FNTA: variants seen among roughly 807,000 people sequenced by gnomAD.
FNTA encodes the protein farnesyltransferase, CAAX box, subunit alpha, also known as protein farnesyltransferase/geranylgeranyltransferase type-1 subunit alpha.
In FNTA, 27 loss-of-function variants were observed where a neutral mutation model predicts 55.2. The observed-to-expected ratio is 0.49, with a 90% CI of 0.36 to 0.67. The LOEUF (loss-of-function observed/expected upper bound fraction) is 0.67. FNTA is among the 30% of genes least tolerant of loss of function. The pLI is 0.00. For missense variants in FNTA, 422 were observed against 464.7 expected (o/e 0.91, Z 0.85); for synonymous variants, 176 against 170.7 (o/e 1.03, Z -0.24).
chr8:43,070,193 C>A (rs530865145), intron 4 of FNTA: 10 of 151,836 alleles, frequency 6.6e-5, no homozygotes, highest in African/African-American at 2.2e-4. Flanking sequence ...GCCTGTAATC[C>A]CAGCTACTCA....
chr8:43,085,217 A>G lies in FNTA; in HGVS notation c.1075A>G (p.Ile359Val). The G allele has an allele frequency of 6.2e-7, 1 of 1,601,328 alleles. No individual in the cohort carries two copies. The highest frequency in any genetic ancestry group is 8.5e-7 in the Non-Finnish European group (1 of 1,171,658). The part of the protein sequence containing the change: ...DTIRKEYWRY[I>V]GRSLQSKHST... ...TATAAGAAAGGAATATTGGAGATACATTGGAAGATCCCTTCAAAGCAAACA... is the reference window on the plus strand; with the variant it reads ...TATAAGAAAGGAATATTGGAGATACGTTGGAAGATCCCTTCAAAGCAAACA... Residue 359 changes from isoleucine (I) to valine (V), a missense_variant, in exon 9 of 9, where the codon ATT becomes GTT. Ile to Val is a conservative substitution (Grantham distance 29). Coordinates refer to ENST00000302279, the MANE Select transcript of FNTA (RefSeq NM_002027.3).
At chr8:43,081,204 GTTC>G (rs996890539) in intron 6 of FNTA, 4 of 152,016 alleles carry the variant, frequency 2.6e-5, no homozygotes. Context: ...GTCTTTTACT[GTTC>G]TTCATCCCAC....
intron 3 of FNTA, among the ~76,000 whole-genome samples, chr8:43,066,686 G>C (rs79069006): frequency 0.015 from 2,211 of 151,532 alleles, 32 homozygotes; most frequent in Non-Finnish European, 0.022. Context: ...CAAATGGTTG[G>C]TAATTCTTGA....
intron 5 of FNTA, chr8:43,073,327 G>C (rs1291439197): frequency 6.6e-6 from 1 of 152,078 alleles, no homozygotes; most frequent in Non-Finnish European, 1.5e-5. Context: ...AACATAACCA[G>C]TATTTTTGAA....
chr8:43,080,826 G>A (rs1041758535), intron 6 of FNTA: 29 of 152,198 alleles, frequency 1.9e-4, no homozygotes, highest in African/African-American at 6.8e-4. Context: ...ACAGTAGTTA[G>A]CGGTAACAAA....
Position 43,077,304 on chromosome 8 carries a change from A to G in FNTA, c.722A>G (p.Tyr241Cys). Residue 241 changes from tyrosine to cysteine, a missense_variant, in exon 6 of 9, where the codon TAC becomes TGC. By Grantham distance (194) the Tyr-to-Cys change is radical (BLOSUM62 -2). Coordinates refer to ENST00000302279, the MANE Select transcript of FNTA (RefSeq NM_002027.3). ...AATAACTCTGTCTGGAACCAAAGAT[A>G]CTTCGTTATTTCTAACACCACTGGC... is the stretch of plus-strand genomic sequence containing the variant. ...VRNNSVWNQR[Y>C]FVISNTTGYN... is the part of the protein sequence containing the mutation. 1 of 1,613,354 alleles carries G rather than the reference A, an allele frequency of 6.2e-7. No homozygotes were observed. The highest frequency in any genetic ancestry group is 8.5e-7 in the Non-Finnish European group (1 of 1,179,440).
intron 4 of FNTA, 124 bp downstream of exon 4, chr8:43,069,783 T>C: frequency 1.6e-6 from 1 of 626,562 alleles, no homozygotes; most frequent in Non-Finnish European, 2.8e-6. Flanking sequence ...TAGCTGGGAT[T>C]ACAGGTGCAC....
In FNTA at chr8:43,056,742, G is replaced by A. The variant is rs530130004; in HGVS notation, c.200+196G>A. On this transcript the variant is annotated intron_variant, in intron 1 of 8. Transcript: ENST00000302279. ...CAGGGCGGCGCCGGCGCGAGACCGC[G>A]GGGACGCGAAGCAGCGAGGTCTCGG... 5.4e-3 allele frequency: 1,083 copies of A among 200,336 alleles called. 11 individuals are homozygous for A. Among genetic ancestry groups the A allele is most frequent in the Non-Finnish European group, 8.5e-3 (867 of 102,100 alleles). The allele number at this position is 200,336 out of a possible 1,614,324, so 12.4% of individuals were successfully genotyped here.
intron 2 of FNTA, among the ~76,000 whole-genome samples, chr8:43,062,816 C>T (rs1025749782): frequency 2.8e-4 from 42 of 152,204 alleles, no homozygotes; most frequent in Non-Finnish European, 1.0e-4. Flanking sequence ...TCTGACATTA[C>T]CCAGAGTTAG....
intron 2 of FNTA, among the ~76,000 whole-genome samples, chr8:43,062,745 A>AT (rs1338643561): frequency 6.6e-6 from 1 of 152,126 alleles, no homozygotes; most frequent in Admixed American, 6.5e-5. Context: ...AAATGTTTGG[A>AT]TTTTTCACAC....
At chr8:43,070,506 C>A (rs770833934) in intron 4 of FNTA, among the ~76,000 whole-genome samples, 12 of 152,108 alleles carry the variant, frequency 7.9e-5, no homozygotes, top group Non-Finnish European at 1.3e-4. Context: ...ATGTAAAAAT[C>A]TGTAGCTATA....
chr8:43,084,936 C>A, intron 8 of FNTA, 55 bp downstream of exon 8: 3 of 1,483,848 alleles, frequency 2.0e-6, no homozygotes, highest in Admixed American at 1.8e-5. Flanking sequence ...TTGATCTGCC[C>A]AATACCACTA....
chr8:43,065,545 C>CCTGAATATTCTTTTTTAAA (rs1563326682), intron 3 of FNTA, among the ~76,000 whole-genome samples: 10 of 151,842 alleles, frequency 6.6e-5, no homozygotes, highest in African/African-American at 1.9e-4. Flanking sequence ...CTGTGCACGG[C>CCTGAATATTCTTTTTTAAA]TGCTGACCCA....
At chr8:43,071,707 AAAAAC>A (rs1243496226) in intron 4 of FNTA, among the ~76,000 whole-genome samples, 3 of 151,472 alleles carry the variant, frequency 2.0e-5, no homozygotes, top group African/African-American at 2.4e-5. Context: ...AAAAAAAAAA[AAAAAC>A]AAAAAAACTC....
At chr8:43,074,582 A>C (rs1308738888) in intron 5 of FNTA, among the ~76,000 whole-genome samples, 1 of 152,072 alleles carries the variant, frequency 6.6e-6, no homozygotes, top group Admixed American at 6.6e-5. Flanking sequence ...ACTACTCACC[A>C]GTCAAAAGAA....
chr8:43,071,605 G>A (rs1371040184), intron 4 of FNTA, among the ~76,000 whole-genome samples: 2 of 151,802 alleles, frequency 1.3e-5, no homozygotes, highest in Admixed American at 1.3e-4. Flanking sequence ...CTGGGAGGCG[G>A]AGGTTGCAGT....
intron 6 of FNTA, chr8:43,082,136 A>G (rs1443723684): frequency 6.6e-6 from 1 of 152,226 alleles, no homozygotes; most frequent in Admixed American, 6.5e-5. Context: ...ACCAAGCTTT[A>G]GTCAGTGACT....
chr8:43,072,893 A>G (rs960651726), intron 5 of FNTA, among the ~76,000 whole-genome samples: 1 of 152,206 alleles, frequency 6.6e-6, no homozygotes, highest in African/African-American at 2.4e-5. Context: ...TTTTTACTAC[A>G]GATGTATTAT....
intron 5 of FNTA, among the ~76,000 whole-genome samples, chr8:43,075,944 C>T (rs975913204): frequency 2.0e-5 from 3 of 151,528 alleles, no homozygotes; most frequent in Admixed American, 6.6e-5. Context: ...TCATAGCTCA[C>T]TGCAGCCTTA....
Sources: gnomAD v4.1 joint callset for allele counts (sites outside exome capture counted in the v4.1 genomes callset) on GRCh38, gnomAD v4.1.1 for gene constraint, MANE v1.5 for transcripts, NCBI Gene and HGNC (gene_info 2026-07-23, HGNC 2026-07-21) for gene names.